Variants in GRM1 observed in about 807,000 individuals in gnomAD.
GRM1 encodes glutamate metabotropic receptor 1.
A neutral mutation model predicts 90.9 loss-of-function variants in GRM1; 33 were observed. The observed-to-expected ratio is 0.36, with a 90% CI of 0.28 to 0.49. The LOEUF (loss-of-function observed/expected upper bound fraction) is 0.49. Ranked by LOEUF, GRM1 falls within the 20% of genes least tolerant of loss-of-function variation. The probability of loss-of-function intolerance (pLI) is 0.99; values close to 1 mark genes in which losing one functional copy is unlikely to be tolerated. For synonymous variants in GRM1, 700 were observed against 613.2 expected (o/e 1.14, Z -2.09); for missense variants, 1,190 against 1,534.3 (o/e 0.78, Z 3.75).
intron 3 of GRM1, among the ~76,000 whole-genome samples, chr6:146,329,604 G>T (rs1052466080): frequency 4.6e-5 from 7 of 152,148 alleles, no homozygotes; most frequent in Non-Finnish European, 1.0e-4. Context: ...ACATAACTTT[G>T]TGTGATTTCC....
At chr6:146,227,097 G>A (rs965929755) in intron 2 of GRM1, among the ~76,000 whole-genome samples, 1 of 151,628 alleles carries the variant, frequency 6.6e-6, no homozygotes, top group Non-Finnish European at 1.5e-5. Context: ...TCTATCTTTA[G>A]TGCAATTATA....
At chr6:146,071,917 C>T (rs1162822492) in intron 1 of GRM1, among the ~76,000 whole-genome samples, 2 of 152,114 alleles carry the variant, frequency 1.3e-5, no homozygotes, top group Admixed American at 1.3e-4. Context: ...GGAGGGAATT[C>T]TGGAAACAAA....
At position 146,390,006 on chromosome 6, in the gene GRM1, TA is replaced by T. The variant is rs1254974076; in HGVS notation, c.1729+2995del. Among the ~76,000 whole-genome samples, 5 of 152,190 alleles carry T rather than the reference TA, an allele frequency of 3.3e-5. No homozygotes were observed. The South Asian group carries it at 1.0e-3, about 31-fold the overall frequency. On this transcript the variant is annotated intron_variant, in intron 6 of 7. Transcript: ENST00000282753. ...GAGAAAACCTATGAGAACAGAATAC[TA>T]AAAATCAGTAGAATTACTCAGAAAA...
intron 3 of GRM1, among the ~76,000 whole-genome samples, chr6:146,348,958 G>A (rs546157364): frequency 6.6e-6 from 1 of 152,234 alleles, no homozygotes; most frequent in African/African-American, 2.4e-5. Flanking sequence ...CTGTAAAATA[G>A]TGAGACTAAT....
Position 146,260,577 on chromosome 6 carries a change from C to T in GRM1, c.951-44034C>T, listed in dbSNP as rs563488861. On this transcript the variant is annotated intron_variant, in intron 2 of 7. Coordinates refer to ENST00000282753, the MANE Select transcript of GRM1 (RefSeq NM_001278064.2). The stretch of plus-strand genomic sequence containing the variant: ...TCTAGATCCTTGAGGAATTGCCACA[C>T]TGTCTTCCACAGTGGTCGAACTAAT... Among the ~76,000 whole-genome samples the T allele has an allele frequency of 3.9e-5, 6 of 152,242 alleles. No individual in the cohort carries two copies. In the South Asian group the frequency reaches 1.0e-3, roughly 26 times the overall value.
chr6:146,337,171 G>A (rs988931168), intron 3 of GRM1, among the ~76,000 whole-genome samples: 3 of 152,130 alleles, frequency 2.0e-5, no homozygotes, highest in African/African-American at 7.2e-5. Context: ...TACTCCTTGG[G>A]CAAGTGTCTG....
intron 1 of GRM1, among the ~76,000 whole-genome samples, chr6:146,081,827 A>G (rs1047667461): frequency 1.3e-5 from 2 of 152,192 alleles, no homozygotes; most frequent in African/African-American, 2.4e-5. Flanking sequence ...CAATCATGAA[A>G]TAATAGAATT....
intron 5 of GRM1, among the ~76,000 whole-genome samples, chr6:146,384,317 G>T (rs1434972708): frequency 6.6e-6 from 1 of 152,116 alleles, no homozygotes; most frequent in Non-Finnish European, 1.5e-5. Flanking sequence ...AGCTGACATA[G>T]AGCCAGAAAT....
chr6:146,177,914 C>A (rs1778391236), intron 2 of GRM1, among the ~76,000 whole-genome samples: 1 of 152,108 alleles, frequency 6.6e-6, no homozygotes, highest in Admixed American at 6.5e-5. Context: ...ATGAATTTTA[C>A]TATTCTTGGA....
chr6:146,086,944 AT>A (rs1308193645), intron 1 of GRM1, among the ~76,000 whole-genome samples: 2 of 152,148 alleles, frequency 1.3e-5, no homozygotes, highest in Admixed American at 6.6e-5. Context: ...ATGGCAATAT[AT>A]AAATGTCCCT....
chr6:146,230,565 G>A (rs756211640), intron 2 of GRM1, among the ~76,000 whole-genome samples: 3 of 152,116 alleles, frequency 2.0e-5, no homozygotes, highest in Non-Finnish European at 4.4e-5. Flanking sequence ...TTTATTGGTG[G>A]GAATGCAAAA....
intron 2 of GRM1, among the ~76,000 whole-genome samples, chr6:146,270,857 C>CTT (rs1782101040): frequency 2.0e-5 from 1 of 48,840 alleles, no homozygotes; most frequent in Non-Finnish European, 4.0e-5. Context: ...CTTTTTCTTT[C>CTT]TTTCTTTCTT....
intron 1 of GRM1, among the ~76,000 whole-genome samples, chr6:146,086,035 G>T (rs185305732): frequency 1.1e-4 from 16 of 152,236 alleles, no homozygotes; most frequent in Admixed American, 5.2e-4. Flanking sequence ...ACAATTCGGG[G>T]TATATGAGTG....
chr6:146,048,619 G>A (rs888414227), intron 1 of GRM1, among the ~76,000 whole-genome samples: 2 of 151,886 alleles, frequency 1.3e-5, no homozygotes, highest in African/African-American at 4.8e-5. Context: ...CTTTACAAAG[G>A]TGATTTAAAT....
chr6:146,044,938 T>G (rs1474021243), intron 1 of GRM1, among the ~76,000 whole-genome samples: 2 of 151,914 alleles, frequency 1.3e-5, no homozygotes, highest in Non-Finnish European at 2.9e-5. Context: ...GGAGCTTCAA[T>G]TACAGATTCT....
chr6:146,337,959 CA>C (rs1490863928), intron 3 of GRM1, among the ~76,000 whole-genome samples: 1 of 152,060 alleles, frequency 6.6e-6, no homozygotes, highest in Non-Finnish European at 1.5e-5. Flanking sequence ...AATGGGTGCT[CA>C]GATATGCAGC....
At chr6:146,177,338 A>C (rs1341523633) in intron 2 of GRM1, among the ~76,000 whole-genome samples, 1 of 152,124 alleles carries the variant, frequency 6.6e-6, no homozygotes, top group Admixed American at 6.5e-5. Flanking sequence ...ATTTTAGATT[A>C]TCTTCATTCT....
chr6:146,349,047 T>G (rs1785283171), intron 3 of GRM1, among the ~76,000 whole-genome samples: 1 of 59,146 alleles, frequency 1.7e-5, no homozygotes, highest in African/African-American at 5.7e-5. Flanking sequence ...GTGGTAGCTA[T>G]TATTATTATT....
intron 1 of GRM1, among the ~76,000 whole-genome samples, chr6:146,090,746 T>G (rs1261431697): frequency 6.6e-6 from 1 of 151,976 alleles, no homozygotes; most frequent in Non-Finnish European, 1.5e-5. Context: ...TCCAATGAAG[T>G]CCAAACCCAG....
Sources: allele counts gnomAD v4.1 joint callset (sites outside exome capture counted in the v4.1 genomes callset), GRCh38; gene constraint gnomAD v4.1.1; transcripts MANE v1.5; gene names NCBI Gene and HGNC (gene_info 2026-07-23, HGNC 2026-07-21).